CDH13: variants seen among roughly 807,000 people sequenced by gnomAD.
CDH13 encodes cadherin 13, also known as cadherin-13.
In CDH13, 24 loss-of-function variants were observed where a neutral mutation model predicts 63.8. The ratio of observed to expected loss-of-function variants is 0.38; its 90% CI spans 0.27 to 0.53. The LOEUF (loss-of-function observed/expected upper bound fraction) is 0.53. Among genes scored for constraint, CDH13 ranks in the 20% least tolerant of loss-of-function variants. CDH13 has a pLI of 0.85. For synonymous variants in CDH13, 503 were observed against 355.3 expected (o/e 1.42, Z -4.67); for missense variants, 1,049 against 903.1 (o/e 1.16, Z -2.07).
At chr16:82,672,187 A>C (rs8057135) in intron 1 of CDH13, among the ~76,000 whole-genome samples, 130,568 of 152,258 alleles carry the variant, frequency 0.86, 56,266 homozygotes, top group East Asian at 1. Context: ...TCAGTGTTTT[A>C]ATCTGTAAAA....
At chr16:83,271,848 C>T (rs1183614569) in intron 5 of CDH13, among the ~76,000 whole-genome samples, 1 of 152,148 alleles carries the variant, frequency 6.6e-6, no homozygotes, top group Non-Finnish European at 1.5e-5. Context: ...TGTCACTGCA[C>T]TTGGGAGAAA....
chr16:82,756,504 C>T (rs1165967816), intron 1 of CDH13, among the ~76,000 whole-genome samples: 3 of 152,158 alleles, frequency 2.0e-5, no homozygotes, highest in Non-Finnish European at 4.4e-5. Flanking sequence ...ATAGCAGTTC[C>T]TTGCCCAAGT....
intron 7 of CDH13, among the ~76,000 whole-genome samples, chr16:83,543,031 CTTG>C (rs982588999): frequency 1.3e-5 from 2 of 152,234 alleles, no homozygotes; most frequent in Admixed American, 1.3e-4. Flanking sequence ...GAACGACTGC[CTTG>C]TTGTGAGCTG....
At chr16:83,186,439 A>T (rs1179556576) in intron 4 of CDH13, among the ~76,000 whole-genome samples, 2 of 152,066 alleles carry the variant, frequency 1.3e-5, no homozygotes, top group African/African-American at 2.4e-5. Context: ...GCCCGGCCTA[A>T]TGGCATCTTA....
At chr16:83,228,116 G>T (rs946359997) in intron 5 of CDH13, among the ~76,000 whole-genome samples, 3 of 152,214 alleles carry the variant, frequency 2.0e-5, no homozygotes, top group African/African-American at 7.2e-5. Flanking sequence ...GCAGGAATGA[G>T]TGCTGTCCTT....
chr16:83,496,099 G>A (rs2074136103), intron 7 of CDH13, among the ~76,000 whole-genome samples: 1 of 151,888 alleles, frequency 6.6e-6, no homozygotes, highest in Non-Finnish European at 1.5e-5. Flanking sequence ...GTAATTTACA[G>A]ATTCAGTGCC....
intron 3 of CDH13, among the ~76,000 whole-genome samples, chr16:83,083,526 C>T (rs2033397369): frequency 6.6e-6 from 1 of 152,184 alleles, no homozygotes; most frequent in Non-Finnish European, 1.5e-5. Flanking sequence ...CCCAGTATCA[C>T]AGAGCTAGTG....
chr16:83,348,367 C>T (rs1317762243), intron 6 of CDH13, among the ~76,000 whole-genome samples: 1 of 152,142 alleles, frequency 6.6e-6, no homozygotes, highest in African/African-American at 2.4e-5. Context: ...ATAGCCAGGC[C>T]CATTGAATCA....
chr16:83,228,087 G>C (rs2039895742), intron 5 of CDH13, among the ~76,000 whole-genome samples: 1 of 152,228 alleles, frequency 6.6e-6, no homozygotes, highest in South Asian at 2.1e-4. Context: ...AGGGAGGCCA[G>C]ATGGAAAGTC....
chr16:83,726,553 T>C (rs1910408672), intron 10 of CDH13, among the ~76,000 whole-genome samples: 1 of 152,144 alleles, frequency 6.6e-6, no homozygotes, highest in Non-Finnish European at 1.5e-5. Flanking sequence ...ACATCACTGT[T>C]GGCTGGGCAC....
chr16:83,416,503 A>G (rs1157560047), intron 6 of CDH13, among the ~76,000 whole-genome samples: 1 of 152,106 alleles, frequency 6.6e-6, no homozygotes, highest in Non-Finnish European at 1.5e-5. Context: ...ATGTTTAAGT[A>G]TCTCCCAATA....
intron 3 of CDH13, among the ~76,000 whole-genome samples, chr16:83,052,729 A>G (rs2030481331): frequency 6.8e-6 from 1 of 146,444 alleles, no homozygotes; most frequent in Non-Finnish European, 1.5e-5. Flanking sequence ...GTGAGCCAAG[A>G]TCGCACCATT....
At chr16:83,710,775 AGCACTCAATAAACAGG>A (rs1390504373) in intron 10 of CDH13, among the ~76,000 whole-genome samples, 2 of 152,206 alleles carry the variant, frequency 1.3e-5, no homozygotes, top group African/African-American at 4.8e-5. Context: ...GCCACCTCTA[AGCACTCAATAAACAGG>A]GCTGTTTATG....
chr16:83,497,082 C>T (rs891524598), intron 7 of CDH13, among the ~76,000 whole-genome samples: 1 of 152,278 alleles, frequency 6.6e-6, no homozygotes, highest in African/African-American at 2.4e-5. Context: ...AGTAGTTCAA[C>T]CATTGTGGAA....
intron 8 of CDH13, among the ~76,000 whole-genome samples, chr16:83,616,502 C>A (rs1036046208): frequency 5.3e-5 from 8 of 152,116 alleles, no homozygotes; most frequent in Non-Finnish European, 1.2e-4. Flanking sequence ...CAGAGTCTTA[C>A]CACCGAGCCA....
chr16:83,434,539 A>G (rs1256783492), intron 6 of CDH13, among the ~76,000 whole-genome samples: 2 of 151,926 alleles, frequency 1.3e-5, no homozygotes, highest in Non-Finnish European at 2.9e-5. Context: ...TGAAAAATCT[A>G]ACCTAGAGTC....
chr16:83,318,372 G>C (rs781163055), intron 5 of CDH13, among the ~76,000 whole-genome samples: 4 of 152,188 alleles, frequency 2.6e-5, no homozygotes, highest in Admixed American at 6.5e-5. Flanking sequence ...CTGGCCTTCA[G>C]CTATTAATTA....
At chr16:83,152,845 C>T (rs1432174217) in intron 4 of CDH13, among the ~76,000 whole-genome samples, 1 of 152,108 alleles carries the variant, frequency 6.6e-6, no homozygotes, top group Non-Finnish European at 1.5e-5. Context: ...TAGATTGGGT[C>T]TTTAATCCAA....
chr16:83,727,256 C>CAAAT (rs1910520329), intron 10 of CDH13, among the ~76,000 whole-genome samples: 1 of 148,634 alleles, frequency 6.7e-6, no homozygotes, highest in Non-Finnish European at 1.5e-5. Flanking sequence ...GACATTTCAT[C>CAAAT]GGAATGAAAT....
Sources: gnomAD v4.1 joint callset for allele counts (sites outside exome capture counted in the v4.1 genomes callset) on GRCh38, gnomAD v4.1.1 for gene constraint, MANE v1.5 for transcripts, NCBI Gene and HGNC (gene_info 2026-07-23, HGNC 2026-07-21) for gene names.